Variants in HNF4G observed in about 807,000 individuals in gnomAD.
HNF4G encodes the protein hepatocyte nuclear factor 4 gamma.
Under a neutral mutation model 50.9 loss-of-function variants are expected in HNF4G, and 21 were observed. That is an observed-to-expected ratio of 0.41 (90% CI 0.29 to 0.59). The LOEUF is 0.59. Ranked by LOEUF, HNF4G falls within the 20% of genes least tolerant of loss-of-function variation. The pLI is 0.26. For missense variants in HNF4G, 527 were observed against 559.4 expected, an observed-to-expected ratio of 0.94 and a Z score of 0.58; for synonymous variants, 198 against 185.6, an observed-to-expected ratio of 1.07 and a Z score of -0.54.
intron 1 of HNF4G, among the ~76,000 whole-genome samples, chr8:75,425,385 A>G (rs1276766696): frequency 6.6e-6 from 1 of 151,694 alleles, no homozygotes; most frequent in African/African-American, 2.4e-5. Context: ...CGCCCAGCCC[A>G]ATGCAGCTTT....
chr8:75,498,270 A>G (rs1812831470), intron 2 of HNF4G, among the ~76,000 whole-genome samples: 2 of 152,316 alleles, frequency 1.3e-5, no homozygotes, highest in South Asian at 2.1e-4. Context: ...AAAGTCCACT[A>G]GGAACAGTAA....
intron 1 of HNF4G, among the ~76,000 whole-genome samples, chr8:75,464,258 T>C (rs1533365): frequency 0.81 from 121,863 of 151,264 alleles, 49,896 homozygotes; most frequent in African/African-American, 0.95. Context: ...AACTCAATTT[T>C]TTGAAATCAT....
intron 2 of HNF4G, among the ~76,000 whole-genome samples, chr8:75,515,324 G>C (rs934844159): frequency 2.0e-5 from 3 of 152,214 alleles, no homozygotes; most frequent in Admixed American, 6.5e-5. Flanking sequence ...TTATTGATTT[G>C]AGAGTTTTCT....
At chr8:75,507,481 G>T (rs951752759) in intron 2 of HNF4G, among the ~76,000 whole-genome samples, 2 of 152,104 alleles carry the variant, frequency 1.3e-5, no homozygotes, top group African/African-American at 4.8e-5. Context: ...GGCTGGTCTC[G>T]AACTCTTGAC....
intron 1 of HNF4G, among the ~76,000 whole-genome samples, chr8:75,444,352 A>G (rs1585848526): frequency 6.6e-6 from 1 of 151,718 alleles, no homozygotes; most frequent in East Asian, 1.9e-4. Context: ...CATTGAGACT[A>G]GGAAGAAACT....
intron 2 of HNF4G, among the ~76,000 whole-genome samples, chr8:75,494,752 T>G (rs1415605647): frequency 6.6e-6 from 1 of 152,060 alleles, no homozygotes; most frequent in Non-Finnish European, 1.5e-5. Context: ...ATAATACTAG[T>G]AATAGCATAT....
chr8:75,441,976 A>G (rs777896283), intron 1 of HNF4G, among the ~76,000 whole-genome samples: 1 of 152,246 alleles, frequency 6.6e-6, no homozygotes, highest in Non-Finnish European at 1.5e-5. Context: ...AAAGTAGAGA[A>G]AATAAATAAA....
chr8:75,427,256 AATT>A (rs1232632463), intron 1 of HNF4G, among the ~76,000 whole-genome samples: 3 of 152,150 alleles, frequency 2.0e-5, no homozygotes, highest in African/African-American at 7.2e-5. Context: ...TCCAGACTCT[AATT>A]AACTGTTGAA....
At chr8:75,457,640 G>C (rs1218135914) in intron 1 of HNF4G, among the ~76,000 whole-genome samples, 1 of 152,136 alleles carries the variant, frequency 6.6e-6, no homozygotes, top group Non-Finnish European at 1.5e-5. Flanking sequence ...ATGCTGCAGT[G>C]AATCTAATAG....
chr8:75,502,759 C>G lies in HNF4G; in HGVS notation c.-24+12551C>G, dbSNP rs370269305. ...AGTAATTTGACCTAAAAAATTTGAC[C>G]TATACCTTTCGCTCAGAAATTCTTC... On this transcript the variant is annotated intron_variant, in intron 2 of 10. Transcript: ENST00000354370. 4.6e-5 allele frequency among the ~76,000 whole-genome samples: 7 copies of G among 152,086 alleles called. No individual in the cohort carries two copies. The East Asian group carries it at 5.8e-4, about 13-fold the overall frequency.
chr8:75,543,024 T>C (rs1435318197), intron 1 of HNF4G, among the ~76,000 whole-genome samples: 1 of 152,068 alleles, frequency 6.6e-6, no homozygotes, highest in Non-Finnish European at 1.5e-5. Flanking sequence ...CTGGCCAACA[T>C]GGTGAAACCC....
chr8:75,418,280 A>G (rs2130480888), intron 1 of HNF4G, among the ~76,000 whole-genome samples: 1 of 151,998 alleles, frequency 6.6e-6, no homozygotes, highest in East Asian at 1.9e-4. Context: ...ACTTGACTTC[A>G]TCTTACCTTA....
upstream of HNF4G, among the ~76,000 whole-genome samples, chr8:75,536,615 A>G (rs1806473008): frequency 6.6e-6 from 1 of 152,060 alleles, no homozygotes; most frequent in Non-Finnish European, 1.5e-5. Context: ...AAAACCGGTA[A>G]CTGTTTCATG....
chr8:75,536,526 A>G (rs1331167357), upstream of HNF4G, among the ~76,000 whole-genome samples: 1 of 152,080 alleles, frequency 6.6e-6, no homozygotes, highest in African/African-American at 2.4e-5. Context: ...TGATGAAGCC[A>G]TCATGAAAGG....
chr8:75,448,224 A>G (rs951355581), intron 1 of HNF4G, among the ~76,000 whole-genome samples: 1 of 138,662 alleles, frequency 7.2e-6, no homozygotes, highest in Non-Finnish European at 1.5e-5. Flanking sequence ...ATAGGTGGGA[A>G]TTGAACAGTG....
chr8:75,429,055 G>C (rs1810949081), intron 1 of HNF4G, among the ~76,000 whole-genome samples: 1 of 152,132 alleles, frequency 6.6e-6, no homozygotes, highest in African/African-American at 2.4e-5. Flanking sequence ...AAAATATAAG[G>C]GACTTCGTAA....
At chr8:75,433,230 C>T (rs1006077382) in intron 1 of HNF4G, among the ~76,000 whole-genome samples, 6 of 151,898 alleles carry the variant, frequency 4.0e-5, no homozygotes, top group Non-Finnish European at 8.8e-5. Flanking sequence ...AGAAAGACCC[C>T]ATCTTTGCAG....
chr8:75,558,648 G>A lies in HNF4G; in HGVS notation c.864G>A (p.Lys288=). 2 of 1,613,170 alleles carry A rather than the reference G, an allele frequency of 1.2e-6. No homozygotes were observed. Among genetic ancestry groups the A allele is most frequent in the Non-Finnish European group, 1.7e-6 (2 of 1,179,748 alleles). The change falls in exon 7 of 10, where the codon AAG becomes AAA. Residue 288 remains lysine (K), a synonymous_variant. Coordinates refer to ENST00000396423, the MANE Select transcript of HNF4G (RefSeq NM_004133.5). ...ATGACAATGAGTATGCTTGTTTAAA[G>A]GCAATTGTATTTTTTGATCCAGGTT... ...QIDDNEYACL[K]AIVFFDPDAK...
intron 1 of HNF4G, among the ~76,000 whole-genome samples, chr8:75,481,717 A>T (rs185269040): frequency 6.6e-6 from 1 of 152,324 alleles, no homozygotes; most frequent in East Asian, 1.9e-4. Flanking sequence ...AGGGAAATTT[A>T]AGATCAACAT....
Sources: allele counts gnomAD v4.1 joint callset (sites outside exome capture counted in the v4.1 genomes callset), GRCh38; gene constraint gnomAD v4.1.1; transcripts MANE v1.5; gene names NCBI Gene and HGNC (gene_info 2026-07-23, HGNC 2026-07-21).